SHANK1: variants seen among roughly 807,000 people sequenced by gnomAD.
SHANK1 encodes SH3 and multiple ankyrin repeat domains protein 1.
Under a neutral mutation model 165.6 loss-of-function variants are expected in SHANK1, and 35 were observed. The observed-to-expected ratio is 0.21, with a 90% CI of 0.16 to 0.28. SHANK1 has a LOEUF of 0.28. SHANK1 is among the 10% of genes least tolerant of loss of function. The pLI is 1.00. For missense variants in SHANK1, 2,681 were observed against 3,036.4 expected (o/e 0.88, Z 2.75); for synonymous variants, 1,428 against 1,384.8 (o/e 1.03, Z -0.69).
rs2088959020 is a variant in SHANK1 at position 50,707,879 on chromosome 19, T to TTCTTTTC, written c.1078-3372_1078-3366dup. Among the ~76,000 whole-genome samples the TTCTTTTC allele has an allele frequency of 8.3e-4, 2 of 2,410 alleles. 1 individual carries two copies. The highest frequency in any genetic ancestry group is 1.6e-3 in the Non-Finnish European group (2 of 1,242). 1.6% of individuals were successfully genotyped at this position (2,410 alleles called of 152,430 possible). ...CTGCCATGTGTACTTTTGCGTGTTTTTCTTTTCTTTTCTTTTCTTTTCTTT... is the reference window on the plus strand; with the variant it reads ...CTGCCATGTGTACTTTTGCGTGTTTTTCTTTTCTCTTTTCTTTTCTTTTCTTTTCTTT... On this transcript the variant is annotated intron_variant, in intron 8 of 23. Transcript: ENST00000293441.
chr19:50,687,723 C>T, intron 18 of SHANK1, 61 bp from the exon 19 acceptor site: 1 of 1,403,780 alleles, frequency 7.1e-7, no homozygotes, highest in South Asian at 1.5e-5. Context: ...CCACCCTCTA[C>T]CACCACAGGG....
At position 50,697,098 on chromosome 19, in the gene SHANK1, C is replaced by T; in HGVS notation, c.1962G>A (p.Gly654=). Residue 654 remains glycine (G), a splice_region_variant and synonymous_variant, in exon 15 of 24, where the codon GGG becomes GGA. Transcript: ENST00000293441. This position sits in a 1 kb window ranked among gnomAD's most constrained non-coding sequence, Gnocchi z 4.7. Reference sequence around the variant, plus strand: ...CCTCCCTGCCCCTCGCCTCTCACCTCCCTGGGCCAATCCCATCCATTAAGC... The same window carrying T: ...CCTCCCTGCCCCTCGCCTCTCACCTTCCTGGGCCAATCCCATCCATTAAGC... The part of the protein sequence containing the change: ...APSLMDGIGP[G]SDYIIKEKTV... 6.2e-7 allele frequency: 1 copy of T among 1,612,592 alleles called. No individual in the cohort carries two copies. Among genetic ancestry groups the T allele is most frequent in the Non-Finnish European group, 8.5e-7 (1 of 1,179,510 alleles).
rs370429795 is a variant in SHANK1, at chr19:50,716,640, C to T, written c.255+25G>A. On this transcript the variant is annotated intron_variant, in intron 2 of 23. Transcript: ENST00000293441. The surrounding 1 kb of genome is among the most constrained non-coding windows in gnomAD (Gnocchi z 8.4). ...GGTTGGGGCACTGTCCCTCTCCTGCCGCTGGCCAGTGGGCAGGTACTCACT... is the reference window on the plus strand; with the variant it reads ...GGTTGGGGCACTGTCCCTCTCCTGCTGCTGGCCAGTGGGCAGGTACTCACT... 37 of 1,551,622 alleles carry T rather than the reference C, an allele frequency of 2.4e-5. No homozygotes were observed. The highest frequency in any genetic ancestry group is 1.7e-4 in the Middle Eastern group (1 of 5,768).
In SHANK1 at chr19:50,702,391, C is replaced by A; in HGVS notation, c.1747+76G>T. The A allele has an allele frequency of 7.4e-7, 1 of 1,349,390 alleles. No individual in the cohort carries two copies. Among genetic ancestry groups the A allele is most frequent in the Non-Finnish European group, 1.0e-6 (1 of 991,914 alleles). 83.6% of individuals were successfully genotyped at this position (1,349,390 alleles called of 1,614,324 possible). A position where few individuals can be genotyped will look rare whatever the true frequency, so the allele number is the denominator to read the frequency against. ...GATACTCCAGGTGCCCGAGAATGGT[C>A]TGCTCTCTGCTCCACATTTTCCCTG... On this transcript the variant is annotated intron_variant, in intron 12 of 23. Transcript: ENST00000293441. This position sits in a 1 kb window ranked among gnomAD's most constrained non-coding sequence, Gnocchi z 5.3.
chr19:50,696,815 C>T (rs1986755799), intron 15 of SHANK1, among the ~76,000 whole-genome samples: 3 of 152,142 alleles, frequency 2.0e-5, no homozygotes, highest in East Asian at 1.9e-4. Context: ...TGCTTGCCCA[C>T]GGATTCAGAG....
chr19:50,707,906 CT>C (rs1208500417), intron 8 of SHANK1, among the ~76,000 whole-genome samples: 2 of 30,564 alleles, frequency 6.5e-5, no homozygotes, highest in East Asian at 6.7e-4. Context: ...CTTTTCTTTT[CT>C]TTTCTTTTCT....
intron 8 of SHANK1, among the ~76,000 whole-genome samples, chr19:50,708,510 TCC>T (rs1158186206): frequency 2.4e-4 from 8 of 33,390 alleles, no homozygotes; most frequent in Non-Finnish European, 3.8e-4. Flanking sequence ...GCCCTCGCCC[TCC>T]CCAGGCCAGA....
In SHANK1 at chr19:50,703,575, C is replaced by T. The variant is rs778254177; in HGVS notation, c.1478G>A (p.Arg493Gln). Residue 493 changes from arginine (R) to glutamine (Q), a missense_variant, in exon 11 of 24, where the codon CGG becomes CAG. By Grantham distance (43) the Arg-to-Gln change is conservative. Around this residue, in one of 10 missense-constraint regions of SHANK1, gnomAD observed 195 missense variants for 186.2 expected, o/e 1.05. Transcript: ENST00000293441. ...SGTLRSASSPRGARARSPSRG... is the reference protein window; with the variant it reads ...SGTLRSASSPQGARARSPSRG... ...GGATGGAGAGCGGGCCCTGGCACCCCGGGGGCTGCTGGCACTTCGGAGGGT... is the reference window on the plus strand; with the variant it reads ...GGATGGAGAGCGGGCCCTGGCACCCTGGGGGCTGCTGGCACTTCGGAGGGT... 6 of 1,556,362 alleles carry T rather than the reference C, an allele frequency of 3.9e-6. No homozygotes were observed. The highest frequency in any genetic ancestry group is 1.4e-5 in the African/African-American group (1 of 73,806).
At chr19:50,676,240 C>G (rs1985978389) in intron 21 of SHANK1, among the ~76,000 whole-genome samples, 1 of 148,488 alleles carries the variant, frequency 6.7e-6, no homozygotes, top group Non-Finnish European at 1.5e-5. Flanking sequence ...GAGTTTGAGG[C>G]TGCAGTGAGC....
At position 50,703,607 on chromosome 19, in the gene SHANK1, G is replaced by A. The variant is rs764233680; in HGVS notation, c.1446C>T (p.Ser482=). 64 of 1,558,706 alleles carry A rather than the reference G, an allele frequency of 4.1e-5. No homozygotes were observed. The highest frequency in any genetic ancestry group is 5.1e-5 in the Non-Finnish European group (59 of 1,154,950). The change falls in exon 11 of 24, where the codon AGC becomes AGT. Residue 482 remains serine (S), a synonymous_variant. Transcript: ENST00000293441. ...SQPSAPTTKL[S]SGTLRSASSP... ...TGCTGGCACTTCGGAGGGTCCCGCT[G>A]CTGAGCTTGGTGGTGGGGGCCGAGG...
At position 50,667,013 on chromosome 19, in the gene SHANK1, G is replaced by A. The variant is rs996546146; in HGVS notation, c.4947C>T (p.Gly1649=). 1.9e-6 allele frequency: 3 copies of A among 1,557,520 alleles called. No homozygotes were observed. The highest frequency in any genetic ancestry group is 2.4e-5 in the South Asian group (2 of 83,022). The change falls in exon 23 of 24, where the codon GGC becomes GGT. Residue 1649 remains glycine (G), a synonymous_variant. Transcript: ENST00000293441. This position sits in a 1 kb window ranked among gnomAD's most constrained non-coding sequence, Gnocchi z 5.7. ...SAAPGDPHPP[G]PPAPAAPAPA... ...GAGCCGGTGCTGCTGGGGCAGGCGG[G>A]CCTGGTGGATGGGGGTCCCCAGGAG... is the stretch of plus-strand genomic sequence containing the variant.
Position 50,702,522 on chromosome 19 carries a change from G to A in SHANK1, c.1692C>T (p.Ser564=), listed in dbSNP as rs1986951000. Residue 564 remains serine (S), a synonymous_variant, in exon 12 of 24, where the codon TCC becomes TCT. Coordinates refer to ENST00000293441, the MANE Select transcript of SHANK1 (RefSeq NM_016148.5). This position sits in a 1 kb window ranked among gnomAD's most constrained non-coding sequence, Gnocchi z 5.3. ...TCTCCCCCTCGGCTTGGGCCTGGTAGGACTTCACAGCCATGAAGGAGCGTC... is the reference window on the plus strand; with the variant it reads ...TCTCCCCCTCGGCTTGGGCCTGGTAAGACTTCACAGCCATGAAGGAGCGTC... ...VPGRSFMAVK[S]YQAQAEGEIS... is the part of the protein sequence containing the mutation. The A allele has an allele frequency of 6.2e-7, 1 of 1,613,366 alleles. No individual in the cohort carries two copies. Among genetic ancestry groups the A allele is most frequent in the South Asian group, 1.1e-5 (1 of 91,070 alleles).
chr19:50,715,584 G>C, intron 4 of SHANK1, 75 bp downstream of exon 4: 1 of 1,302,392 alleles, frequency 7.7e-7, no homozygotes, highest in East Asian at 2.3e-5. Flanking sequence ...GAAGAGGTGG[G>C]GAGAGAAAGT....
chr19:50,662,355 G>C lies in SHANK1; in HGVS notation c.6096C>G (p.Leu2032=). 2 of 1,598,726 alleles carry C rather than the reference G, an allele frequency of 1.3e-6. No individual in the cohort carries two copies. The highest frequency in any genetic ancestry group is 1.7e-6 in the Non-Finnish European group (2 of 1,171,138). ...CAGTTGGGGAGCCACGGATGTCAAA[G>C]AGGCCTGGGTAGAGGGGTCCGGAAG... ...ILPSGPLYPG[L]FDIRGSPTGG... The change falls in exon 24 of 24, where the codon CTC becomes CTG. Residue 2032 remains leucine (L), a synonymous_variant. Coordinates refer to ENST00000293441, the MANE Select transcript of SHANK1 (RefSeq NM_016148.5). This position sits in a 1 kb window ranked among gnomAD's most constrained non-coding sequence, Gnocchi z 7.7.
At chr19:50,673,895 G>A (rs1213581582) in intron 21 of SHANK1, among the ~76,000 whole-genome samples, 3 of 150,914 alleles carry the variant, frequency 2.0e-5, no homozygotes, top group Non-Finnish European at 4.4e-5. Context: ...CCGGGCCCAA[G>A]CGATCCCAAC....
Position 50,703,545 on chromosome 19 carries a change from C to T in SHANK1, c.1508G>A (p.Gly503Glu). 7 of 1,551,870 alleles carry T rather than the reference C, an allele frequency of 4.5e-6. No homozygotes were observed. Among genetic ancestry groups the T allele is most frequent in the Non-Finnish European group, 6.1e-6 (7 of 1,154,090 alleles). ...CCTCTTGGCGTCCTCAGGGTGCCTC[C>T]CTCGGGATGGAGAGCGGGCCCTGGC... The part of the protein sequence containing the change: ...RGARARSPSR[G>E]RHPEDAKRQP... Residue 503 changes from glycine (G) to glutamate (E), a missense_variant, in exon 11 of 24, where the codon GGG (glycine) becomes GAG (glutamate). Transcript: ENST00000293441.
chr19:50,662,670 G>T lies in SHANK1; in HGVS notation c.5781C>A (p.Asp1927Glu). 6.4e-7 allele frequency: 1 copy of T among 1,563,406 alleles called. No homozygotes were observed. Among genetic ancestry groups the T allele is most frequent in the East Asian group, 2.4e-5 (1 of 41,932 alleles). ...GCTTGGAGAGGAGTGAGGACTGGGA[G>T]TCGTCGGAGAGTCTGGAATGTGACA... ...SSLQRQRLSD[D>E]SQSSLLSKPV... The change falls in exon 24 of 24, where the codon GAC becomes GAA. Residue 1927 changes from aspartate to glutamate, a missense_variant. This residue lies in a region of SHANK1 where 1,713 missense variants were observed against 1,630.2 expected (regional missense o/e 1.05). Coordinates refer to ENST00000293441, the MANE Select transcript of SHANK1 (RefSeq NM_016148.5). This position sits in a 1 kb window ranked among gnomAD's most constrained non-coding sequence, Gnocchi z 7.7.
chr19:50,694,991 C>T (rs1986684773), intron 15 of SHANK1, among the ~76,000 whole-genome samples: 1 of 149,222 alleles, frequency 6.7e-6, no homozygotes, highest in Admixed American at 6.6e-5. Context: ...AGGGAGCTCC[C>T]ACCGGGGCCG....
At chr19:50,666,068 C>A in intron 23 of SHANK1, 124 bp downstream of exon 23, 1 of 837,970 alleles carries the variant, frequency 1.2e-6, no homozygotes, top group Non-Finnish European at 1.8e-6. Context: ...AAGCATGCTT[C>A]TGTGACAGCA....
Sources: allele counts gnomAD v4.1 joint callset (sites outside exome capture counted in the v4.1 genomes callset), GRCh38; gene constraint gnomAD v4.1.1; regional missense constraint gnomAD v4.1.1; non-coding constraint Gnocchi (gnomAD v3.1); transcripts MANE v1.5; gene names NCBI Gene and HGNC (gene_info 2026-07-23, HGNC 2026-07-21).